The following SERPINI1 variants were observed in gnomAD, a reference collection of about 807,000 sequenced individuals.
SERPINI1 encodes serpin family I member 1.
Under a neutral mutation model 41.1 loss-of-function variants are expected in SERPINI1, and 19 were observed. The ratio of observed to expected loss-of-function variants is 0.46; its 90% CI spans 0.32 to 0.68. The LOEUF (loss-of-function observed/expected upper bound fraction) is 0.68, where lower values mean the gene tolerates loss of function less well. SERPINI1 is among the 30% of genes least tolerant of loss of function. The pLI is 0.03. For missense variants in SERPINI1, 460 were observed against 479.2 expected, an observed-to-expected ratio of 0.96 and a Z score of 0.37; for synonymous variants, 138 against 156.6, an observed-to-expected ratio of 0.88 and a Z score of 0.89.
At chr3:167,752,550 C>T (rs1726077652) in intron 1 of SERPINI1, among the ~76,000 whole-genome samples, 1 of 151,910 alleles carries the variant, frequency 6.6e-6, no homozygotes, top group Non-Finnish European at 1.5e-5. Flanking sequence ...TCATTGCAAC[C>T]CCCATAGTCA....
At chr3:167,787,177 T>G (rs779530787) in intron 1 of SERPINI1, among the ~76,000 whole-genome samples, 6 of 152,208 alleles carry the variant, frequency 3.9e-5, no homozygotes, top group Non-Finnish European at 8.8e-5. Flanking sequence ...CTAGATGGTC[T>G]TCAGGGGCAA....
At chr3:167,772,864 C>CTCTCTCTCTCTCTCTCTCTATA (rs1374013676) in intron 1 of SERPINI1, among the ~76,000 whole-genome samples, 1 of 24,642 alleles carries the variant, frequency 4.1e-5, no homozygotes, top group Non-Finnish European at 6.5e-5. Flanking sequence ...CTCTCTCTCT[C>CTCTCTCTCTCTCTCTCTCTATA]TATATATATA....
chr3:167,785,002 G>A (rs894001163), intron 1 of SERPINI1, among the ~76,000 whole-genome samples: 1 of 152,156 alleles, frequency 6.6e-6, no homozygotes, highest in Admixed American at 6.5e-5. Flanking sequence ...CAGCACTTTG[G>A]GAGGCCGAGG....
intron 1 of SERPINI1, among the ~76,000 whole-genome samples, chr3:167,764,130 G>A (rs1467747888): frequency 1.3e-5 from 2 of 152,034 alleles, no homozygotes; most frequent in Non-Finnish European, 2.9e-5. Flanking sequence ...GGAACAGCAA[G>A]AGAGCCACAA....
intron 1 of SERPINI1, among the ~76,000 whole-genome samples, chr3:167,755,245 A>C (rs1462697298): frequency 6.6e-6 from 1 of 152,182 alleles, no homozygotes; most frequent in Non-Finnish European, 1.5e-5. Context: ...AGCACTTCCT[A>C]ATTAAGAAAC....
chr3:167,809,965 T>G lies in SERPINI1; in HGVS notation c.979+2624T>G, dbSNP rs539393813. On this transcript the variant is annotated intron_variant, in intron 6 of 8. Coordinates refer to ENST00000446050, the MANE Select transcript of SERPINI1 (RefSeq NM_001122752.2). ...AACTTCCCAGTCTTTCAGTGGGAAT[T>G]CTTTGATTATTACATTATTAGTTTT... 5.3e-5 allele frequency among the ~76,000 whole-genome samples: 8 copies of G among 152,272 alleles called. No homozygotes were observed. In the South Asian group the frequency reaches 1.7e-3, roughly 32 times the overall value.
chr3:167,772,864 C>CTCTCTCTCTCTCTATATATATA (rs1374013676), intron 1 of SERPINI1, among the ~76,000 whole-genome samples: 4 of 24,662 alleles, frequency 1.6e-4, no homozygotes, highest in African/African-American at 1.9e-4. Context: ...CTCTCTCTCT[C>CTCTCTCTCTCTCTATATATATA]TATATATATA....
chr3:167,824,373 T>A, intron 7 of SERPINI1, 100 bp from the exon 8 acceptor site: 2 of 819,724 alleles, frequency 2.4e-6, no homozygotes, highest in Non-Finnish European at 4.1e-6. Context: ...TGTAAATTGT[T>A]GTCTTTGCAT....
Position 167,807,341 on chromosome 3 carries a change from G to T in SERPINI1, c.979G>T (p.Asp327Tyr). The T allele has an allele frequency of 6.3e-7, 1 of 1,583,784 alleles. No individual in the cohort carries two copies. Among genetic ancestry groups the T allele is most frequent in the South Asian group, 1.1e-5 (1 of 90,106 alleles). ...IKDANLTGLS[D>Y]NKEIFLSKAI... ...AGATGCAAATTTGACAGGCCTCTCTGGTAAGAAATAAACACAAATTTTTAA... is the reference window on the plus strand; with the variant it reads ...AGATGCAAATTTGACAGGCCTCTCTTGTAAGAAATAAACACAAATTTTTAA... The change falls in exon 6 of 9, where the codon GAT becomes TAT. Residue 327 changes from aspartate (D) to tyrosine (Y), a missense_variant and splice_region_variant. Coordinates refer to ENST00000446050, the MANE Select transcript of SERPINI1 (RefSeq NM_001122752.2).
At chr3:167,750,199 C>G (rs1375049084) in intron 1 of SERPINI1, among the ~76,000 whole-genome samples, 1 of 151,954 alleles carries the variant, frequency 6.6e-6, no homozygotes, top group African/African-American at 2.4e-5. Context: ...CAAAGCTTTG[C>G]TTTTTTTTCT....
intron 3 of SERPINI1, among the ~76,000 whole-genome samples, chr3:167,790,825 G>A (rs1439494577): frequency 1.3e-5 from 2 of 152,164 alleles, no homozygotes; most frequent in Middle Eastern, 3.2e-3. Context: ...GAATTTGGCA[G>A]TGATAATCTG....
rs193296902 is a variant in SERPINI1 at position 167,814,412 on chromosome 3, T to C, written c.979+7071T>C. 2.0e-4 allele frequency among the ~76,000 whole-genome samples: 30 copies of C among 152,346 alleles called. No homozygotes were observed. In the East Asian group the frequency reaches 2.7e-3, roughly 14 times the overall value. On this transcript the variant is annotated intron_variant, in intron 6 of 8. Coordinates refer to ENST00000446050, the MANE Select transcript of SERPINI1 (RefSeq NM_001122752.2). ...AAGAGAACTCAAATTCTAGGAACTTTTATAAATTTCATGGGTGGGGCTGAA... is the reference window on the plus strand; with the variant it reads ...AAGAGAACTCAAATTCTAGGAACTTCTATAAATTTCATGGGTGGGGCTGAA...
At chr3:167,814,890 C>T (rs938270947) in intron 6 of SERPINI1, among the ~76,000 whole-genome samples, 3 of 151,720 alleles carry the variant, frequency 2.0e-5, no homozygotes, top group African/African-American at 7.3e-5. Context: ...TTTGGCAGCA[C>T]TGTCTGCTGT....
At chr3:167,771,834 CGTGT>C (rs72112020) in intron 1 of SERPINI1, among the ~76,000 whole-genome samples, 1 of 143,710 alleles carries the variant, frequency 7.0e-6, no homozygotes, top group Non-Finnish European at 1.5e-5. Flanking sequence ...TGTGTGTGCG[CGTGT>C]GTGTGTGTGC....
At chr3:167,773,266 GC>G in intron 1 of SERPINI1, among the ~76,000 whole-genome samples, 1 of 152,154 alleles carries the variant, frequency 6.6e-6, no homozygotes, top group Admixed American at 6.5e-5. Context: ...TATGTAAGCA[GC>G]TTGATAAGAG....
At chr3:167,755,863 G>A (rs1319350739) in intron 1 of SERPINI1, among the ~76,000 whole-genome samples, 3 of 142,008 alleles carry the variant, frequency 2.1e-5, no homozygotes, top group East Asian at 2.1e-4. Context: ...GATGAATAAC[G>A]TACTCAGACA....
chr3:167,743,763 G>A (rs542564527), intron 1 of SERPINI1, among the ~76,000 whole-genome samples: 9 of 152,164 alleles, frequency 5.9e-5, no homozygotes, highest in African/African-American at 2.2e-4. Context: ...ATTACAACAA[G>A]GATATATGAC....
chr3:167,791,572 A>G (rs1727512308), intron 3 of SERPINI1, among the ~76,000 whole-genome samples: 1 of 152,220 alleles, frequency 6.6e-6, no homozygotes, highest in East Asian at 1.9e-4. Context: ...AATGCATATG[A>G]AGTAGATTCA....
intron 6 of SERPINI1, among the ~76,000 whole-genome samples, chr3:167,812,802 G>C (rs3792297): frequency 0.47 from 71,013 of 151,982 alleles, 18,892 homozygotes; most frequent in East Asian, 0.94. Context: ...CACAGTAAAG[G>C]CTCATACAAT....
Sources: gnomAD v4.1 joint callset for allele counts (sites outside exome capture counted in the v4.1 genomes callset) on GRCh38, gnomAD v4.1.1 for gene constraint, MANE v1.5 for transcripts, NCBI Gene and HGNC (gene_info 2026-07-23, HGNC 2026-07-21) for gene names.